The following CELSR1 variants were observed in gnomAD, a reference collection of about 807,000 sequenced individuals.
CELSR1 encodes the protein cadherin EGF LAG seven-pass G-type receptor 1.
CELSR1 carries 110 observed loss-of-function variants against 249.1 expected under a neutral mutation model. That is an observed-to-expected ratio of 0.44 (90% CI 0.38 to 0.52). The LOEUF (loss-of-function observed/expected upper bound fraction) is 0.52, where lower values mean the gene tolerates loss of function less well. CELSR1 is among the 20% of genes least tolerant of loss of function. The pLI is 0.00. For missense variants in CELSR1, 4,109 were observed against 4,296.4 expected (o/e 0.96, Z 1.22); for synonymous variants, 2,113 against 1,900.0 (o/e 1.11, Z -2.92).
chr22:46,514,518 G>A (rs927120832), intron 1 of CELSR1, among the ~76,000 whole-genome samples: 1 of 152,128 alleles, frequency 6.6e-6, no homozygotes, highest in Non-Finnish European at 1.5e-5. Flanking sequence ...GGTGGGGAGT[G>A]GGGGCATGAA....
At position 46,384,814 on chromosome 22, in the gene CELSR1, G is replaced by T. The variant is rs1321040353; in HGVS notation, c.6740-128C>A. ...TATTTATTTATTTATTTTTGAGGTG[G>T]AGTCTCGCAGTGTCTCCCAGGCTGG... On this transcript the variant is annotated intron_variant, in intron 19 of 34. Coordinates refer to ENST00000674500, the MANE Select transcript of CELSR1 (RefSeq NM_001378328.1). 1.8e-5 allele frequency: 19 copies of T among 1,032,038 alleles called. No homozygotes were observed. In the East Asian group the frequency reaches 4.8e-4, roughly 26 times the overall value. 63.9% of individuals were successfully genotyped at this position (1,032,038 alleles called of 1,614,324 possible). A position where few individuals can be genotyped will look rare whatever the true frequency, so the allele number is the denominator to read the frequency against.
rs891876626 is a variant in CELSR1, at chr22:46,363,256, G to C, written c.9036-9C>G. The C allele has an allele frequency of 4.9e-5, 79 of 1,611,092 alleles. No homozygotes were observed. The highest frequency in any genetic ancestry group is 4.2e-6 in the Non-Finnish European group (5 of 1,178,098). ...AAGTTTCATTACTGCCTCTGCGCGTGGGAAGAAGCCAGCAAGCAGGTGAAG... is the reference window on the plus strand; with the variant it reads ...AAGTTTCATTACTGCCTCTGCGCGTCGGAAGAAGCCAGCAAGCAGGTGAAG... On this transcript the variant is annotated splice_polypyrimidine_tract_variant and intron_variant, in intron 34 of 34. Coordinates refer to ENST00000674500, the MANE Select transcript of CELSR1 (RefSeq NM_001378328.1). This position sits in a 1 kb window ranked among gnomAD's most constrained non-coding sequence, Gnocchi z 4.3.
intron 1 of CELSR1, among the ~76,000 whole-genome samples, chr22:46,519,019 C>A (rs528228986): frequency 4.0e-5 from 6 of 151,092 alleles, no homozygotes; most frequent in African/African-American, 1.2e-4. Flanking sequence ...GGTAACGGAG[C>A]GAGACTCTGT....
At chr22:46,367,211 T>G in intron 28 of CELSR1, 93 bp from the exon 29 acceptor site, 2 of 1,477,424 alleles carry the variant, frequency 1.4e-6, no homozygotes, top group Non-Finnish European at 1.8e-6. Flanking sequence ...CAGCCTTGAG[T>G]GCACACAACA....
At chr22:46,439,048 G>T (rs149228522) in intron 3 of CELSR1, 141 bp downstream of exon 3, 10 of 814,786 alleles carry the variant, frequency 1.2e-5, no homozygotes, top group Admixed American at 5.1e-5. Context: ...GTGAGCCACC[G>T]CGCCTGGCCT....
chr22:46,365,505 C>T, intron 31 of CELSR1, 81 bp downstream of exon 31: 1 of 1,541,072 alleles, frequency 6.5e-7, no homozygotes. Context: ...GCTAGTGCTT[C>T]TTCAGGGGCA....
In CELSR1 at chr22:46,525,721, C is replaced by T. The variant is rs2080732150; in HGVS notation, c.3544+7906G>A. ...AGCCCCGTGGCACCGGGCCACAGGC[C>T]ACACCCCAGCTAAGGTGGCCGCTGC... On this transcript the variant is annotated intron_variant, in intron 1 of 34. Coordinates refer to ENST00000674500, the MANE Select transcript of CELSR1 (RefSeq NM_001378328.1). 2.6e-5 allele frequency among the ~76,000 whole-genome samples: 4 copies of T among 152,374 alleles called. 1 individual carries two copies. In the South Asian group the frequency reaches 6.2e-4, roughly 24 times the overall value.
rs946459172 is a variant in CELSR1, at chr22:46,526,738, G to A, written c.3544+6889C>T. Among the ~76,000 whole-genome samples, 10 of 152,128 alleles carry A rather than the reference G, an allele frequency of 6.6e-5. No individual in the cohort carries two copies. The highest frequency in any genetic ancestry group is 9.7e-5 in the African/African-American group (4 of 41,408). ...CTGTTCCCCACCCAGGAGGCTATTC[G>A]GGCCATGGCTCCTCAAGGCTGGGCC... On this transcript the variant is annotated intron_variant, in intron 1 of 34. Transcript: ENST00000674500. The surrounding 1 kb of genome is among the most constrained non-coding windows in gnomAD (Gnocchi z 4.7).
At chr22:46,460,952 CCTG>C (rs1265453694) in intron 2 of CELSR1, among the ~76,000 whole-genome samples, 1 of 152,200 alleles carries the variant, frequency 6.6e-6, no homozygotes, top group African/African-American at 2.4e-5. Flanking sequence ...TCATCCAGCT[CCTG>C]CTGTCTCCTG....
intron 4 of CELSR1, among the ~76,000 whole-genome samples, chr22:46,435,752 G>T (rs1372874998): frequency 6.6e-6 from 1 of 152,030 alleles, no homozygotes; most frequent in Middle Eastern, 3.2e-3. Context: ...CCAGGCTGGG[G>T]TGCAGTGGCG....
chr22:46,464,062 C>T lies in CELSR1; in HGVS notation c.3828G>A (p.Pro1276=), dbSNP rs1444430820. ...LPGGVRGQFF[P]SEDLQEQIYL... is the part of the protein sequence containing the mutation. The stretch of plus-strand genomic sequence containing the variant: ...AGATCTGCTCCTGCAGGTCCTCCGA[C>T]GGGAAGAACTGGCCGCGGACGCCGC... The change falls in exon 2 of 35, where the codon CCG becomes CCA. Residue 1276 remains proline, a synonymous_variant. Transcript: ENST00000674500. The surrounding 1 kb of genome is among the most constrained non-coding windows in gnomAD (Gnocchi z 8.5). 21 of 1,613,666 alleles carry T rather than the reference C, an allele frequency of 1.3e-5. No homozygotes were observed. The highest frequency in any genetic ancestry group is 4.5e-5 in the East Asian group (2 of 44,888).
rs2079207893 is a variant in CELSR1 at position 46,401,212 on chromosome 22, TG to T, written c.5227-1311del. ...AATCCTCTGTGTTTAATTACATGTA[TG>T]AAAAAAACAAAAATCAGCATTGCAA... is the stretch of plus-strand genomic sequence containing the variant. On this transcript the variant is annotated intron_variant, in intron 9 of 34. Transcript: ENST00000674500. This position sits in a 1 kb window ranked among gnomAD's most constrained non-coding sequence, Gnocchi z 4.7. 6.6e-6 allele frequency among the ~76,000 whole-genome samples: 1 copy of T among 152,068 alleles called. No homozygotes were observed.
chr22:46,373,956 C>T (rs1462543873), intron 24 of CELSR1, among the ~76,000 whole-genome samples: 1 of 152,196 alleles, frequency 6.6e-6, no homozygotes, highest in Non-Finnish European at 1.5e-5. Flanking sequence ...GTCACGGCAC[C>T]CTAAGGGTGC....
chr22:46,364,344 T>TC, intron 33 of CELSR1, 93 bp from the exon 34 acceptor site: 1 of 1,545,192 alleles, frequency 6.5e-7, no homozygotes, highest in Non-Finnish European at 8.7e-7. Flanking sequence ...TCAGCCCCTG[T>TC]CCTTCCTCCT....
chr22:46,439,482 C>T (rs1569163954), intron 2 of CELSR1, 71 bp from the exon 3 acceptor site: 1 of 1,331,290 alleles, frequency 7.5e-7, no homozygotes, highest in South Asian at 1.3e-5. Context: ...GAGCCTGTCG[C>T]AGACCCTGGA....
intron 4 of CELSR1, among the ~76,000 whole-genome samples, 175 bp downstream of exon 4, chr22:46,435,999 T>C (rs998882878): frequency 6.6e-6 from 1 of 152,194 alleles, no homozygotes; most frequent in Non-Finnish European, 1.5e-5. Flanking sequence ...ACGCCCGGCC[T>C]GTTATGAACA....
In CELSR1 at chr22:46,527,371, G is replaced by A. The variant is rs950359213; in HGVS notation, c.3544+6256C>T. 2.0e-5 allele frequency among the ~76,000 whole-genome samples: 3 copies of A among 152,126 alleles called. No individual in the cohort carries two copies. Among genetic ancestry groups the A allele is most frequent in the Admixed American group, 6.5e-5 (1 of 15,276 alleles). On this transcript the variant is annotated intron_variant, in intron 1 of 34. Transcript: ENST00000674500. The surrounding 1 kb of genome is among the most constrained non-coding windows in gnomAD (Gnocchi z 5.5). The stretch of plus-strand genomic sequence containing the variant: ...CCAGCTCTTGCCTAAATCCTCCCGA[G>A]GGGGCCCACCAAACCCTCCACAGTC...
intron 1 of CELSR1, among the ~76,000 whole-genome samples, chr22:46,507,949 T>C (rs2080532121): frequency 6.6e-6 from 1 of 152,130 alleles, no homozygotes; most frequent in Non-Finnish European, 1.5e-5. Flanking sequence ...TGGCCACCCA[T>C]CTGGCTGTTC....
intron 5 of CELSR1, among the ~76,000 whole-genome samples, chr22:46,425,405 C>T (rs2079525579): frequency 6.6e-6 from 1 of 152,182 alleles, no homozygotes; most frequent in Non-Finnish European, 1.5e-5. Context: ...GTGAAGCCAT[C>T]TGGGCCCGGA....
Sources: allele counts gnomAD v4.1 joint callset (sites outside exome capture counted in the v4.1 genomes callset), GRCh38; gene constraint gnomAD v4.1.1; non-coding constraint Gnocchi (gnomAD v3.1); transcripts MANE v1.5; gene names NCBI Gene and HGNC (gene_info 2026-07-23, HGNC 2026-07-21).